Variants in TOP6BL observed in about 807,000 individuals in gnomAD.
The protein encoded by TOP6BL is type 2 DNA topoisomerase 6 subunit B-like.
the TOP6BL span, among the ~76,000 whole-genome samples, chr11:66,773,862 G>A: frequency 4.0e-5 from 6 of 151,834 alleles, no homozygotes; most frequent in East Asian, 7.7e-4. Context: ...TCAGCCTCCC[G>A]AGTAGCTGGG....
At chr11:66,761,456 A>AT in the TOP6BL span, 42 of 311,066 alleles carry the variant, frequency 1.4e-4, no homozygotes, top group African/African-American at 8.1e-4. Context: ...TAAATTTGGT[A>AT]TTTTTTCCCC....
At chr11:66,783,699 T>A in the TOP6BL span, among the ~76,000 whole-genome samples, 1 of 152,206 alleles carries the variant, frequency 6.6e-6, no homozygotes, top group Admixed American at 6.5e-5. Flanking sequence ...TATTTCTCAG[T>A]CATTATTTCT....
the TOP6BL span, chr11:66,761,856 G>A: frequency 1.1e-6 from 1 of 924,282 alleles, no homozygotes; most frequent in Non-Finnish European, 1.8e-6. Context: ...TTCATCCTCT[G>A]GATAATGACA....
At chr11:66,745,564 G>A in the TOP6BL span, among the ~76,000 whole-genome samples, 1 of 152,218 alleles carries the variant, frequency 6.6e-6, no homozygotes, top group Non-Finnish European at 1.5e-5. Context: ...TGCCCAATGG[G>A]ACGTTGAGCT....
chr11:66,768,071 T>C, the TOP6BL span, among the ~76,000 whole-genome samples: 2 of 152,152 alleles, frequency 1.3e-5, no homozygotes, highest in Admixed American at 6.6e-5. Context: ...GGATTACAAG[T>C]GTGAGCCTTC....
At chr11:66,837,318 G>A in the TOP6BL span, among the ~76,000 whole-genome samples, 2 of 151,658 alleles carry the variant, frequency 1.3e-5, no homozygotes, top group Admixed American at 6.6e-5. Context: ...TAATAGAGAC[G>A]GGGTTTCACT....
the TOP6BL span, chr11:66,756,481 C>T: frequency 9.4e-7 from 1 of 1,065,492 alleles, no homozygotes; most frequent in Non-Finnish European, 1.2e-6. Context: ...TACAGATGCC[C>T]ACCACCATGC....
At chr11:66,823,187 A>G in the TOP6BL span, among the ~76,000 whole-genome samples, 1 of 151,420 alleles carries the variant, frequency 6.6e-6, no homozygotes, top group African/African-American at 2.4e-5. Flanking sequence ...TCAGCTACTC[A>G]GAAGGCTGAG....
chr11:66,754,960 C>T, the TOP6BL span, among the ~76,000 whole-genome samples: 1 of 152,134 alleles, frequency 6.6e-6, no homozygotes, highest in Non-Finnish European at 1.5e-5. Context: ...TCTTCTACCT[C>T]ACCCATACAT....
the TOP6BL span, among the ~76,000 whole-genome samples, chr11:66,780,016 G>A: frequency 1.5e-5 from 2 of 130,464 alleles, no homozygotes; most frequent in East Asian, 2.8e-4. Context: ...GTTGTGGGGT[G>A]GGGGGAGGGG....
At chr11:66,816,927 G>A in the TOP6BL span, among the ~76,000 whole-genome samples, 4 of 152,070 alleles carry the variant, frequency 2.6e-5, no homozygotes, top group Admixed American at 2.6e-4. Context: ...GTTGAAGTGG[G>A]TGGATCACTT....
the TOP6BL span, among the ~76,000 whole-genome samples, chr11:66,839,843 A>C: frequency 6.6e-6 from 1 of 152,156 alleles, no homozygotes. Flanking sequence ...CCCTGGGGAG[A>C]TGCTGGGGTC....
At chr11:66,753,948 G>A in the TOP6BL span, among the ~76,000 whole-genome samples, 1 of 150,658 alleles carries the variant, frequency 6.6e-6, no homozygotes, top group African/African-American at 2.4e-5. Context: ...CAGGTGATAC[G>A]CCCAGCTCAG....
chr11:66,827,110 T>C, the TOP6BL span, among the ~76,000 whole-genome samples: 1 of 151,586 alleles, frequency 6.6e-6, no homozygotes, highest in African/African-American at 2.4e-5. Flanking sequence ...GCCTCCCGAG[T>C]ATCTAGGATT....
chr11:66,800,295 A>C, the TOP6BL span, among the ~76,000 whole-genome samples: 1 of 152,168 alleles, frequency 6.6e-6, no homozygotes, highest in Non-Finnish European at 1.5e-5. Context: ...GACAGGAGGA[A>C]TAAGTCTTTA....
chr11:66,806,364 A>T, the TOP6BL span, among the ~76,000 whole-genome samples: 1 of 152,342 alleles, frequency 6.6e-6, no homozygotes, highest in Non-Finnish European at 1.5e-5. Flanking sequence ...AATTAAGTAT[A>T]ATAATCCATG....
the TOP6BL span, among the ~76,000 whole-genome samples, chr11:66,803,791 A>G: frequency 6.6e-6 from 1 of 152,218 alleles, no homozygotes; most frequent in African/African-American, 2.4e-5. Context: ...AGGAGCAATG[A>G]TATCTCTGAA....
chr11:66,774,256 A>G, the TOP6BL span, among the ~76,000 whole-genome samples: 1 of 152,068 alleles, frequency 6.6e-6, no homozygotes, highest in African/African-American at 2.4e-5. Flanking sequence ...CCAGTAATTT[A>G]TATTATTATT....
At chr11:66,827,128 T>A in the TOP6BL span, among the ~76,000 whole-genome samples, 1 of 151,982 alleles carries the variant, frequency 6.6e-6, no homozygotes, top group Non-Finnish European at 1.5e-5. Context: ...ATTACAGGCA[T>A]GTGCCACCAC....
Sources: gnomAD v4.1 joint callset for allele counts (sites outside exome capture counted in the v4.1 genomes callset) on GRCh38, gnomAD v4.1.1 for gene constraint, MANE v1.5 for transcripts, NCBI Gene and HGNC (gene_info 2026-07-23, HGNC 2026-07-21) for gene names.